The following LCE5A variants were observed in gnomAD, a reference collection of about 807,000 sequenced individuals.
The protein encoded by LCE5A is late cornified envelope 5A.
For missense variants in LCE5A, 139 were observed against 147.2 expected, an observed-to-expected ratio of 0.94 and a Z score of 0.29; for synonymous variants, 51 against 54.2, an observed-to-expected ratio of 0.94 and a Z score of 0.26.
chr1:152,511,634 C>A lies in LCE5A; in HGVS notation c.100C>A (p.Pro34Thr). 10 of 1,614,106 alleles carry A rather than the reference C, an allele frequency of 6.2e-6. No individual in the cohort carries two copies. Among genetic ancestry groups the A allele is most frequent in the Non-Finnish European group, 8.5e-6 (10 of 1,179,998 alleles). The change falls in exon 2 of 2, where the codon CCA becomes ACA. Residue 34 changes from proline (P) to threonine (T), a missense_variant. Physicochemically the swap from Pro to Thr is conservative, Grantham distance 38. Coordinates refer to ENST00000334269, the MANE Select transcript of LCE5A (RefSeq NM_178438.5). The stretch of plus-strand genomic sequence containing the variant: ...TCCTAAGTGTCCTCCCAAGTGTCCC[C>A]CAAAATGCCCTCCCCAGTGTTCAGC... Reference protein sequence around the residue: ...CTPKCPPKCPPKCPPQCSAPC... With the variant: ...CTPKCPPKCPTKCPPQCSAPC...
chr1:152,511,136 C>A, intron 1 of LCE5A, 138 bp downstream of exon 1: 1 of 166,402 alleles, frequency 6.0e-6, no homozygotes, highest in Non-Finnish European at 1.3e-5. Context: ...AAATCTGGTT[C>A]ATCTTAGGCC....
intron 1 of LCE5A, among the ~76,000 whole-genome samples, 176 bp downstream of exon 1, chr1:152,511,174 C>T (rs1320218550): frequency 1.3e-5 from 2 of 152,074 alleles, no homozygotes; most frequent in Non-Finnish European, 2.9e-5. Context: ...CCTGTAATCC[C>T]AGCACTTTGG....
rs145954071 is a variant in LCE5A at position 152,511,606 on chromosome 1, T to G, written c.72T>G (p.Cys24Trp). The change falls in exon 2 of 2, where the codon TGT (cysteine) becomes TGG (tryptophan). Residue 24 changes from cysteine (C) to tryptophan (W), a missense_variant. Transcript: ENST00000334269. ...PKCTPKCPPK[C>W]TPKCPPKCPP... The stretch of plus-strand genomic sequence containing the variant: ...GTACCCCTAAATGCCCTCCCAAGTG[T>G]ACTCCTAAGTGTCCTCCCAAGTGTC... 9.7e-4 allele frequency: 1,563 copies of G among 1,614,090 alleles called. 3 individuals carry two copies. The highest frequency in any genetic ancestry group is 2.0e-3 in the Admixed American group (120 of 60,016).
rs1658593578 is a variant in LCE5A at position 152,511,855 on chromosome 1, C to T, written c.321C>T (p.Gly107=). The T allele has an allele frequency of 6.2e-7, 1 of 1,613,288 alleles. No homozygotes were observed. The highest frequency in any genetic ancestry group is 8.5e-7 in the Non-Finnish European group (1 of 1,179,596). Residue 107 remains glycine (G), a synonymous_variant, in exon 2 of 2, where the codon GGC becomes GGT. Transcript: ENST00000334269. ...CCAGCTGCTGCCACAGCTCTGGGGG[C>T]TCTGGCTGCTGCCACAGCTCTGGAG... ...GGSSCCHSSG[G]SGCCHSSGGC...
Sources: allele counts gnomAD v4.1 joint callset (sites outside exome capture counted in the v4.1 genomes callset), GRCh38; gene constraint gnomAD v4.1.1; transcripts MANE v1.5; gene names NCBI Gene and HGNC (gene_info 2026-07-23, HGNC 2026-07-21).